The following KDM8 variants were observed in gnomAD, a reference collection of about 807,000 sequenced individuals.
KDM8 encodes the protein bifunctional peptidase and arginyl-hydroxylase JMJD5.
Under a neutral mutation model 46.9 loss-of-function variants are expected in KDM8, and 35 were observed. That is an observed-to-expected ratio of 0.75 (90% CI 0.57 to 0.99). KDM8 has a LOEUF of 0.99. Ranked by LOEUF, KDM8 falls within the 50% of genes least tolerant of loss-of-function variation. KDM8 has a pLI of 0.00. For synonymous variants in KDM8, 232 were observed against 227.7 expected, an observed-to-expected ratio of 1.02 and a Z score of -0.17; for missense variants, 475 against 537.0, an observed-to-expected ratio of 0.88 and a Z score of 1.14.
chr16:27,208,879 C>T (rs2083452605), intron 1 of KDM8, among the ~76,000 whole-genome samples: 1 of 152,212 alleles, frequency 6.6e-6, no homozygotes, highest in Non-Finnish European at 1.5e-5. Flanking sequence ...TGAGCCCTAC[C>T]ATACCCTGAG....
At chr16:27,211,231 G>A (rs1350608216) in intron 2 of KDM8, 3 of 443,080 alleles carry the variant, frequency 6.8e-6, no homozygotes, top group Non-Finnish European at 1.3e-5. Context: ...GGTGAGAGCT[G>A]CAGCCAGCGG....
chr16:27,206,139 T>G (rs974257126), intron 1 of KDM8: 1 of 714,548 alleles, frequency 1.4e-6, no homozygotes, highest in Non-Finnish European at 1.7e-6. Context: ...AAGGCCAGTC[T>G]GTGGCACCAC....
chr16:27,207,213 G>A (rs935544085), intron 1 of KDM8, among the ~76,000 whole-genome samples: 2 of 152,226 alleles, frequency 1.3e-5, no homozygotes, highest in African/African-American at 4.8e-5. Flanking sequence ...TTGGAGACCA[G>A]CCTGGCCAAC....
Position 27,220,700 on chromosome 16 carries a change from G to T in KDM8, c.1221G>T (p.Leu407Phe). The part of the protein sequence containing the change: ...KYWHYVRALD[L>F]SFSVSFWWS Reference sequence around the variant, plus strand: ...GGCATTACGTGCGGGCTCTGGATTTGAGCTTCTCGGTCAGCTTCTGGTGGT... The same window carrying T: ...GGCATTACGTGCGGGCTCTGGATTTTAGCTTCTCGGTCAGCTTCTGGTGGT... The change falls in exon 8 of 8, where the codon TTG (leucine) becomes TTT (phenylalanine). Residue 407 changes from leucine to phenylalanine, a missense_variant. By Grantham distance (22) the Leu-to-Phe change is conservative (BLOSUM62 0). Transcript: ENST00000286096. 6.2e-7 allele frequency: 1 copy of T among 1,614,206 alleles called. No homozygotes were observed. Among genetic ancestry groups the T allele is most frequent in the Non-Finnish European group, 8.5e-7 (1 of 1,180,034 alleles).
At chr16:27,204,649 A>G (rs959836306) in intron 1 of KDM8, among the ~76,000 whole-genome samples, 1 of 152,126 alleles carries the variant, frequency 6.6e-6, no homozygotes, top group African/African-American at 2.4e-5. Context: ...TCTGCAAATC[A>G]CAGTGAGGCT....
intron 2 of KDM8, chr16:27,211,252 C>A: frequency 4.5e-6 from 2 of 443,722 alleles, no homozygotes; most frequent in Non-Finnish European, 9.0e-6. Flanking sequence ...CAGCCCGTTT[C>A]TTTCAGCTTC....
intron 1 of KDM8, chr16:27,204,114 C>G: frequency 6.5e-7 from 1 of 1,546,522 alleles, no homozygotes; most frequent in Non-Finnish European, 8.7e-7. Context: ...GAAATGCAGC[C>G]CCGGGGAAGG....
At chr16:27,204,272 G>A (rs1366375253) in intron 1 of KDM8, 14 of 1,404,296 alleles carry the variant, frequency 1.0e-5, no homozygotes, top group Non-Finnish European at 1.2e-5. Context: ...TGCGTTTCCC[G>A]GCAACGGTAG....
intron 3 of KDM8, chr16:27,214,461 C>T (rs2083524587): frequency 5.7e-6 from 1 of 174,992 alleles, no homozygotes; most frequent in Non-Finnish European, 1.2e-5. Context: ...CCTCAGATCC[C>T]CTGGCCTGTA....
intron 4 of KDM8, among the ~76,000 whole-genome samples, chr16:27,215,708 GA>G (rs2083542659): frequency 2.0e-5 from 3 of 152,184 alleles, no homozygotes; most frequent in African/African-American, 7.2e-5. Flanking sequence ...GCCATTTTAT[GA>G]AAATGTTTGC....
intron 1 of KDM8, chr16:27,206,267 G>C (rs918381592): frequency 1.0e-5 from 10 of 962,008 alleles, no homozygotes; most frequent in Non-Finnish European, 1.1e-5. Flanking sequence ...TTTTGTGTGC[G>C]TGTGCTTTTT....
intron 1 of KDM8, chr16:27,206,231 G>A (rs2083426874): frequency 1.0e-6 from 1 of 983,476 alleles, no homozygotes; most frequent in Non-Finnish European, 1.2e-6. Flanking sequence ...TCCCTCCTTT[G>A]GAAGCCTGTT....
Position 27,213,631 on chromosome 16 carries a change from A to G in KDM8, c.545A>G (p.Lys182Arg), listed in dbSNP as rs371109241. 9.3e-6 allele frequency: 15 copies of G among 1,614,010 alleles called. No individual in the cohort carries two copies. The African/African-American group carries it at 1.9e-4, about 20-fold the overall frequency. ...TTGATTCCAGATGTGAAGTTAGAAA[A>G]AACAGTCCCCCGGCTGCACCGTCCG... ...HGLIPDVKLE[K>R]TVPRLHRPSL... The change falls in exon 3 of 8, where the codon AAA (lysine) becomes AGA (arginine). Residue 182 changes from lysine (K) to arginine (R), a missense_variant. Coordinates refer to ENST00000286096, the MANE Select transcript of KDM8 (RefSeq NM_024773.3).
At chr16:27,218,745 G>A (rs1394270520) in intron 5 of KDM8, among the ~76,000 whole-genome samples, 2 of 152,204 alleles carry the variant, frequency 1.3e-5, no homozygotes, top group Non-Finnish European at 2.9e-5. Flanking sequence ...TAGTAAGGAG[G>A]CTGAGGTGGG....
intron 1 of KDM8, among the ~76,000 whole-genome samples, chr16:27,206,825 T>C (rs939851032): frequency 6.6e-6 from 1 of 152,162 alleles, no homozygotes; most frequent in African/African-American, 2.4e-5. Flanking sequence ...TGGTTGGTGG[T>C]GTGAAGGCTG....
chr16:27,213,548 G>A (rs1396821108), intron 2 of KDM8, 37 bp from the exon 3 acceptor site: 4 of 1,606,502 alleles, frequency 2.5e-6, no homozygotes, highest in Middle Eastern at 3.3e-4. Flanking sequence ...GACTTCCTGA[G>A]GTGGTTGCTA....
At chr16:27,215,120 TA>T in intron 4 of KDM8, 112 bp downstream of exon 4, 1 of 1,281,674 alleles carries the variant, frequency 7.8e-7, no homozygotes, top group South Asian at 1.3e-5. Flanking sequence ...AGCCAGGCTG[TA>T]AGTCTGTGGT....
At chr16:27,213,834 C>T (rs1266816535) in intron 3 of KDM8, 83 bp downstream of exon 3, 2 of 1,385,132 alleles carry the variant, frequency 1.4e-6, no homozygotes, top group African/African-American at 2.9e-5. Flanking sequence ...CGACCATCCC[C>T]AGGGAAATGC....
intron 6 of KDM8, 86 bp from the exon 7 acceptor site, chr16:27,220,307 C>T: frequency 1.9e-6 from 2 of 1,075,512 alleles, no homozygotes; most frequent in Non-Finnish European, 2.9e-6. Context: ...CAGGGAGCAG[C>T]ATGTGGAAGG....
Sources: gnomAD v4.1 joint callset for allele counts (sites outside exome capture counted in the v4.1 genomes callset) on GRCh38, gnomAD v4.1.1 for gene constraint, MANE v1.5 for transcripts, NCBI Gene and HGNC (gene_info 2026-07-23, HGNC 2026-07-21) for gene names.